Variants in RAB3C observed in about 807,000 individuals in gnomAD.
The protein encoded by RAB3C is RAB3C, member RAS oncogene family.
A neutral mutation model predicts 26.4 loss-of-function variants in RAB3C; 17 were observed. That is an observed-to-expected ratio of 0.64 (90% confidence interval 0.44 to 0.97). The LOEUF (loss-of-function observed/expected upper bound fraction) is 0.97. Among genes scored for constraint, RAB3C ranks in the 50% least tolerant of loss-of-function variants. The pLI, the probability that RAB3C is intolerant of heterozygous loss-of-function variation, is 0.00. For synonymous variants in RAB3C, 91 were observed against 95.9 expected, an observed-to-expected ratio of 0.95 and a Z score of 0.30; for missense variants, 242 against 281.9, an observed-to-expected ratio of 0.86 and a Z score of 1.01.
At chr5:58,652,708 A>G (rs1483176908) in intron 2 of RAB3C, among the ~76,000 whole-genome samples, 1 of 151,716 alleles carries the variant, frequency 6.6e-6, no homozygotes, top group Non-Finnish European at 1.5e-5. Context: ...AGGAAAAAAA[A>G]AAAAACAAGA....
At chr5:58,692,701 C>T (rs2111861535) in intron 2 of RAB3C, among the ~76,000 whole-genome samples, 1 of 152,184 alleles carries the variant, frequency 6.6e-6, no homozygotes, top group Middle Eastern at 3.4e-3. Flanking sequence ...ACTTTTCTGG[C>T]ATTGCTTTTC....
rs774616670 is a variant in RAB3C at position 58,726,086 on chromosome 5, A to G, written c.337A>G (p.Thr113Ala). The change falls in exon 3 of 5, where the codon ACA (threonine) becomes GCA (alanine). Residue 113 changes from threonine (T) to alanine (A), a missense_variant. By Grantham distance (58) the Thr-to-Ala change is moderately conservative. Transcript: ENST00000282878. The part of the protein sequence containing the change: ...AMGFILMYDI[T>A]NEESFNAVQD... ...GGGCTTTATTTTAATGTATGACATT[A>G]CAAATGAAGAATCCTTCAATGCAGT... is the stretch of plus-strand genomic sequence containing the variant. The G allele has an allele frequency of 1.7e-5, 28 of 1,600,502 alleles. No homozygotes were observed. In the South Asian group the frequency reaches 2.1e-4, roughly 12 times the overall value.
intron 1 of RAB3C, among the ~76,000 whole-genome samples, chr5:58,597,150 A>ATG: frequency 1.3e-5 from 1 of 74,496 alleles, no homozygotes; most frequent in Non-Finnish European, 2.6e-5. Flanking sequence ...TATATACTAC[A>ATG]TAATATATAT....
intron 3 of RAB3C, among the ~76,000 whole-genome samples, chr5:58,754,130 A>C (rs1741595127): frequency 6.6e-6 from 1 of 152,056 alleles, no homozygotes; most frequent in East Asian, 1.9e-4. Context: ...AAAAGGGTTA[A>C]ATTTTGGCAC....
chr5:58,813,718 A>AG (rs1356904882), intron 3 of RAB3C, among the ~76,000 whole-genome samples: 1 of 149,318 alleles, frequency 6.7e-6, no homozygotes, highest in African/African-American at 2.5e-5. Flanking sequence ...ATATTATTTA[A>AG]TTCTGGACTT....
intron 1 of RAB3C, among the ~76,000 whole-genome samples, chr5:58,615,950 T>C (rs1231307347): frequency 6.7e-6 from 1 of 150,266 alleles, no homozygotes; most frequent in African/African-American, 2.5e-5. Context: ...TCCTTTTTCC[T>C]CAGTTTTCTG....
At chr5:58,670,616 A>G (rs1748095991) in intron 2 of RAB3C, among the ~76,000 whole-genome samples, 1 of 152,228 alleles carries the variant, frequency 6.6e-6, no homozygotes, top group Admixed American at 6.5e-5. Context: ...ATGTTATCAA[A>G]GACAAATTAT....
At chr5:58,850,408 G>C (rs2112090331) in intron 4 of RAB3C, among the ~76,000 whole-genome samples, 1 of 152,314 alleles carries the variant, frequency 6.6e-6, no homozygotes, top group Non-Finnish European at 1.5e-5. Flanking sequence ...AAGCCCTGGA[G>C]GGCTGTTGGA....
intron 2 of RAB3C, among the ~76,000 whole-genome samples, chr5:58,630,517 T>C (rs1165919457): frequency 6.6e-6 from 1 of 152,210 alleles, no homozygotes; most frequent in Non-Finnish European, 1.5e-5. Context: ...GACAGTACAA[T>C]TAGTGAGAAA....
At chr5:58,645,206 G>T (rs1445965265) in intron 2 of RAB3C, among the ~76,000 whole-genome samples, 3 of 152,168 alleles carry the variant, frequency 2.0e-5, no homozygotes, top group African/African-American at 7.2e-5. Context: ...CCTCTGTAAG[G>T]TTTATTAGGC....
intron 3 of RAB3C, among the ~76,000 whole-genome samples, chr5:58,819,770 T>G (rs1039102509): frequency 6.6e-6 from 1 of 152,054 alleles, no homozygotes; most frequent in Admixed American, 6.5e-5. Context: ...TCCTACCTAC[T>G]GGGGAGGCTG....
intron 3 of RAB3C, among the ~76,000 whole-genome samples, chr5:58,776,058 C>A (rs185505738): frequency 6.6e-6 from 1 of 152,238 alleles, no homozygotes; most frequent in Admixed American, 6.5e-5. Context: ...CTCACTCCAC[C>A]TCTCACCAGA....
intron 3 of RAB3C, among the ~76,000 whole-genome samples, chr5:58,810,424 G>C (rs1450508153): frequency 6.7e-6 from 1 of 148,556 alleles, no homozygotes; most frequent in African/African-American, 2.5e-5. Context: ...TGTTTTCTTA[G>C]AAGTTACTTT....
At chr5:58,673,437 G>C (rs112255199) in intron 2 of RAB3C, among the ~76,000 whole-genome samples, 1 of 143,272 alleles carries the variant, frequency 7.0e-6, no homozygotes, top group East Asian at 2.1e-4. Context: ...TCTTCTCAAC[G>C]AACTAGTTAT....
intron 2 of RAB3C, among the ~76,000 whole-genome samples, chr5:58,626,845 C>T (rs1172316604): frequency 6.6e-6 from 1 of 151,998 alleles, no homozygotes; most frequent in Non-Finnish European, 1.5e-5. Context: ...AAATAAATTG[C>T]CAGTTTGCAG....
At chr5:58,583,507 A>C (rs1403868419) in intron 1 of RAB3C, among the ~76,000 whole-genome samples, 1 of 152,124 alleles carries the variant, frequency 6.6e-6, no homozygotes, top group Non-Finnish European at 1.5e-5. Flanking sequence ...CCAAGCAAAC[A>C]AAAGTCAGAG....
chr5:58,618,118 A>T (rs1303721580), intron 2 of RAB3C, among the ~76,000 whole-genome samples: 1 of 151,160 alleles, frequency 6.6e-6, no homozygotes, highest in Non-Finnish European at 1.5e-5. Context: ...TAAAAAAAAA[A>T]TCCAAACCTC....
At chr5:58,696,380 T>G (rs1307169962) in intron 2 of RAB3C, among the ~76,000 whole-genome samples, 2 of 152,176 alleles carry the variant, frequency 1.3e-5, no homozygotes, top group Non-Finnish European at 1.5e-5. Flanking sequence ...TGGTCTAAAA[T>G]TCTCTTTTTT....
At chr5:58,594,784 G>A (rs927783899) in intron 1 of RAB3C, among the ~76,000 whole-genome samples, 6 of 147,786 alleles carry the variant, frequency 4.1e-5, no homozygotes, top group Non-Finnish European at 9.0e-5. Context: ...TAAATGTTTA[G>A]TGTTTTTAAA....
Sources: allele counts gnomAD v4.1 joint callset (sites outside exome capture counted in the v4.1 genomes callset), GRCh38; gene constraint gnomAD v4.1.1; transcripts MANE v1.5; gene names NCBI Gene and HGNC (gene_info 2026-07-23, HGNC 2026-07-21).